The following GRIP1 variants were observed in gnomAD, a reference collection of about 807,000 sequenced individuals.
GRIP1 encodes glutamate receptor-interacting protein 1.
Under a neutral mutation model 129.9 loss-of-function variants are expected in GRIP1, and 45 were observed. The ratio of observed to expected loss-of-function variants is 0.35; its 90% confidence interval spans 0.27 to 0.44. GRIP1 has a LOEUF of 0.44. Among genes scored for constraint, GRIP1 ranks in the 20% least tolerant of loss-of-function variants. The pLI, the probability that GRIP1 is intolerant of heterozygous loss-of-function variation, is 1.00. For missense variants in GRIP1, 1,196 were observed against 1,396.8 expected (o/e 0.86, Z 2.29); for synonymous variants, 530 against 520.8 (o/e 1.02, Z -0.24).
chr12:66,930,828 A>G (rs12820993), intron 1 of GRIP1, among the ~76,000 whole-genome samples: 31,229 of 151,864 alleles, frequency 0.21, 3,436 homozygotes, highest in South Asian at 0.26. Flanking sequence ...CAAACAAGTG[A>G]TTTAGAGAGC....
intron 1 of GRIP1, among the ~76,000 whole-genome samples, chr12:67,047,610 T>G (rs1214549357): frequency 6.6e-6 from 1 of 152,210 alleles, no homozygotes; most frequent in East Asian, 1.9e-4. Context: ...AGGCACTGAA[T>G]TAATATTTAT....
chr12:66,444,669 G>A lies in GRIP1; in HGVS notation c.1602C>T (p.Asp534=), dbSNP rs746301476. The change falls in exon 13 of 25, where the codon GAC becomes GAT. Residue 534 remains aspartate (D), a synonymous_variant. Transcript: ENST00000359742. ...GCTGACTGGCTTCTTCGAAGGTGCT[G>A]TCTTCTGTTGGAATTCCATTGATGG... ...VMAINGIPTE[D]STFEEASQLL... 10 of 1,613,900 alleles carry A rather than the reference G, an allele frequency of 6.2e-6. No homozygotes were observed. The South Asian group carries it at 9.9e-5, about 16-fold the overall frequency.
chr12:66,390,880 T>A (rs536158254), intron 19 of GRIP1, among the ~76,000 whole-genome samples: 1 of 152,328 alleles, frequency 6.6e-6, no homozygotes, highest in Non-Finnish European at 1.5e-5. Context: ...TGTCACAAGG[T>A]ATTATGACTT....
At chr12:66,855,137 T>A (rs2039981867) in intron 1 of GRIP1, among the ~76,000 whole-genome samples, 1 of 151,970 alleles carries the variant, frequency 6.6e-6, no homozygotes, top group Non-Finnish European at 1.5e-5. Flanking sequence ...CATTACCAGG[T>A]CATTAAGCCT....
intron 16 of GRIP1, among the ~76,000 whole-genome samples, chr12:66,401,573 C>G (rs2056990237): frequency 1.1e-5 from 1 of 93,952 alleles, no homozygotes. Flanking sequence ...GAGCAAAATT[C>G]CGTCTCAAAA....
intron 1 of GRIP1, among the ~76,000 whole-genome samples, chr12:66,751,257 A>G (rs1190459902): frequency 6.6e-6 from 1 of 152,180 alleles, no homozygotes; most frequent in East Asian, 1.9e-4. Context: ...TGAAAAGGAA[A>G]AGGAGAACAG....
intron 1 of GRIP1, among the ~76,000 whole-genome samples, chr12:66,836,811 G>A (rs551651797): frequency 3.3e-5 from 5 of 152,306 alleles, no homozygotes; most frequent in African/African-American, 1.2e-4. Flanking sequence ...CTGGCAGCAG[G>A]TTGCCCCACC....
chr12:66,605,054 T>A (rs200371641), intron 1 of GRIP1, among the ~76,000 whole-genome samples: 2 of 109,264 alleles, frequency 1.8e-5, no homozygotes, highest in Non-Finnish European at 4.0e-5. Flanking sequence ...AAGTCACTTA[T>A]ATATATATAT....
At chr12:66,981,947 C>T (rs2042247290) in intron 1 of GRIP1, among the ~76,000 whole-genome samples, 1 of 152,204 alleles carries the variant, frequency 6.6e-6, no homozygotes, top group Non-Finnish European at 1.5e-5. Context: ...CATTGTGTTA[C>T]ACTGAGAAAA....
At chr12:67,004,056 T>C (rs1252298128) in intron 1 of GRIP1, among the ~76,000 whole-genome samples, 1 of 152,216 alleles carries the variant, frequency 6.6e-6, no homozygotes, top group Non-Finnish European at 1.5e-5. Flanking sequence ...CTCTCTCTCA[T>C]AAGGACATTT....
intron 23 of GRIP1, among the ~76,000 whole-genome samples, chr12:66,365,991 G>A (rs2055118633): frequency 6.6e-6 from 1 of 152,212 alleles, no homozygotes; most frequent in African/African-American, 2.4e-5. Flanking sequence ...GGCAAGCGAG[G>A]TCTGCCTGAC....
chr12:66,678,675 C>CA (rs2034450227), intron 1 of GRIP1, among the ~76,000 whole-genome samples, 175 bp downstream of exon 1: 1 of 151,882 alleles, frequency 6.6e-6, no homozygotes, highest in Non-Finnish European at 1.5e-5. Context: ...GATGTAAGGA[C>CA]AGAAAGCAAA....
intron 1 of GRIP1, among the ~76,000 whole-genome samples, chr12:66,858,788 T>A (rs1156986298): frequency 6.6e-6 from 1 of 151,620 alleles, no homozygotes; most frequent in African/African-American, 2.4e-5. Context: ...GATGAGCTAG[T>A]GGTATGGGGG....
At chr12:66,891,049 T>TAAACAGCA (rs2040649867) in intron 1 of GRIP1, among the ~76,000 whole-genome samples, 8 of 152,232 alleles carry the variant, frequency 5.3e-5, no homozygotes, top group African/African-American at 1.4e-4. Flanking sequence ...AACAGCAATT[T>TAAACAGCA]TATAATTGTT....
chr12:66,406,571 A>C, intron 15 of GRIP1, 143 bp from the exon 16 acceptor site: 1 of 817,064 alleles, frequency 1.2e-6, no homozygotes, highest in South Asian at 1.5e-5. Flanking sequence ...TTCATTGACA[A>C]CTCCCTCCCT....
At chr12:66,696,203 A>G (rs1014510930) in intron 1 of GRIP1, among the ~76,000 whole-genome samples, 1 of 152,160 alleles carries the variant, frequency 6.6e-6, no homozygotes, top group African/African-American at 2.4e-5. Context: ...TTCACATCTC[A>G]AGAATGGTCC....
chr12:66,841,154 AG>A, intron 1 of GRIP1, among the ~76,000 whole-genome samples: 1 of 152,338 alleles, frequency 6.6e-6, no homozygotes, highest in South Asian at 2.1e-4. Flanking sequence ...GAAAATCCTC[AG>A]GGTGGAAGTG....
chr12:66,483,852 T>C (rs1411327074), intron 7 of GRIP1, among the ~76,000 whole-genome samples: 2 of 140,810 alleles, frequency 1.4e-5, no homozygotes, highest in Non-Finnish European at 3.1e-5. Flanking sequence ...AAAGTAACCA[T>C]TATCCTAACT....
intron 1 of GRIP1, among the ~76,000 whole-genome samples, chr12:66,648,436 T>A (rs1373578714): frequency 2.0e-5 from 3 of 152,192 alleles, no homozygotes. Context: ...AATGGATGGG[T>A]ATTTGTAGTT....
Sources: allele counts gnomAD v4.1 joint callset (sites outside exome capture counted in the v4.1 genomes callset), GRCh38; gene constraint gnomAD v4.1.1; transcripts MANE v1.5; gene names NCBI Gene and HGNC (gene_info 2026-07-23, HGNC 2026-07-21).